PRDM16: variants seen among roughly 807,000 people sequenced by gnomAD.
PRDM16 encodes PR/SET domain 16.
Under a neutral mutation model 110.6 loss-of-function variants are expected in PRDM16, and 23 were observed. The ratio of observed to expected loss-of-function variants is 0.21; its 90% CI spans 0.15 to 0.29. PRDM16 has a LOEUF of 0.29. PRDM16 is among the 10% of genes least tolerant of loss of function. The pLI is 1.00. For synonymous variants in PRDM16, 799 were observed against 781.8 expected (o/e 1.02, Z -0.37); for missense variants, 1,615 against 1,794.3 (o/e 0.90, Z 1.81).
At chr1:3,142,137 C>G (rs554523741) in intron 1 of PRDM16, among the ~76,000 whole-genome samples, 1 of 152,266 alleles carries the variant, frequency 6.6e-6, no homozygotes, top group Non-Finnish European at 1.5e-5. Context: ...CGGCTCCCCC[C>G]GTCCAGGGCC....
intron 3 of PRDM16, among the ~76,000 whole-genome samples, chr1:3,303,859 G>A (rs1376706459): frequency 2.4e-5 from 3 of 123,780 alleles, no homozygotes; most frequent in African/African-American, 1.1e-4. Flanking sequence ...TGAGACCCCA[G>A]CCAAGCCCTG....
chr1:3,119,648 C>T (rs371190963), intron 1 of PRDM16, among the ~76,000 whole-genome samples: 7 of 152,180 alleles, frequency 4.6e-5, no homozygotes, highest in African/African-American at 1.7e-4. Context: ...GGCCATGGCC[C>T]GATGAGGCAG....
At chr1:3,116,985 GAAGT>G (rs1381351440) in intron 1 of PRDM16, among the ~76,000 whole-genome samples, 1 of 152,160 alleles carries the variant, frequency 6.6e-6, no homozygotes, top group African/African-American at 2.4e-5. Context: ...ATCCCTCCTG[GAAGT>G]ATAGAAAGTG....
intron 3 of PRDM16, among the ~76,000 whole-genome samples, chr1:3,263,457 T>G (rs1182808930): frequency 6.6e-6 from 1 of 152,344 alleles, no homozygotes; most frequent in East Asian, 1.9e-4. Flanking sequence ...CCCTGTCTAG[T>G]GGTCCCTGGG....
chr1:3,181,076 T>C lies in PRDM16; in HGVS notation c.38-5049T>C, dbSNP rs529226750. On this transcript the variant is annotated intron_variant, in intron 1 of 16. Coordinates refer to ENST00000270722, the MANE Select transcript of PRDM16 (RefSeq NM_022114.4). Reference sequence around the variant, plus strand: ...CTTACACGCGGTCTTACACACCCGGTCTTACACACGGCCTTACACACGCAG... The same window carrying C: ...CTTACACGCGGTCTTACACACCCGGCCTTACACACGGCCTTACACACGCAG... Among the ~76,000 whole-genome samples the C allele has an allele frequency of 2.5e-4, 35 of 142,472 alleles. No individual in the cohort carries two copies. In the East Asian group the frequency reaches 2.6e-3, roughly 11 times the overall value. 93.5% of individuals were successfully genotyped at this position (142,472 alleles called of 152,430 possible). A position where few individuals can be genotyped will look rare whatever the true frequency, so the allele number is the denominator to read the frequency against.
chr1:3,201,062 C>T lies in PRDM16; in HGVS notation c.387+14588C>T, dbSNP rs539043011. 8.5e-5 allele frequency among the ~76,000 whole-genome samples: 13 copies of T among 152,076 alleles called. No homozygotes were observed. Among genetic ancestry groups the T allele is most frequent in the Non-Finnish European group, 1.0e-4 (7 of 67,992 alleles). On this transcript the variant is annotated intron_variant, in intron 2 of 16. Coordinates refer to ENST00000270722, the MANE Select transcript of PRDM16 (RefSeq NM_022114.4). The surrounding 1 kb of genome is among the most constrained non-coding windows in gnomAD (Gnocchi z 4.1). ...CAACCCTTAGCCGGAGTGGGGACTC[C>T]GGGGAAGGCCAGCTGCCCAAATGAC...
At chr1:3,366,016 A>G (rs1412949372) in intron 3 of PRDM16, among the ~76,000 whole-genome samples, 6 of 152,180 alleles carry the variant, frequency 3.9e-5, no homozygotes, top group Admixed American at 3.3e-4. Context: ...ACGCACACAC[A>G]CATACACATA....
intron 1 of PRDM16, among the ~76,000 whole-genome samples, chr1:3,139,609 A>G (rs1351885746): frequency 1.3e-5 from 2 of 152,248 alleles, no homozygotes; most frequent in African/African-American, 4.8e-5. Context: ...AAGCATTGTT[A>G]CAATATCTGT....
intron 2 of PRDM16, chr1:3,238,115 C>G (rs894161716): frequency 6.6e-6 from 1 of 152,270 alleles, no homozygotes; most frequent in Non-Finnish European, 1.5e-5. Context: ...AGGGGCCATT[C>G]CCTCCTGTCG....
At chr1:3,140,731 G>A (rs1200672750) in intron 1 of PRDM16, among the ~76,000 whole-genome samples, 2 of 152,212 alleles carry the variant, frequency 1.3e-5, no homozygotes. Context: ...GTGTGAGGGT[G>A]GGGCCACAGT....
chr1:3,435,713 GT>G lies in PRDM16; in HGVS notation c.*1903del, dbSNP rs1416562877. 1.0e-4 allele frequency: 24 copies of G among 232,582 alleles called. No individual in the cohort carries two copies. Among genetic ancestry groups the G allele is most frequent in the African/African-American group, 5.3e-4 (24 of 45,274 alleles). 14.4% of individuals were successfully genotyped at this position (232,582 alleles called of 1,614,324 possible). ...TCACGCGTGGACATCTCCTCAGGCT[GT>G]CCCCAGCGGTGACGGGAGGTGTCCT... On this transcript the variant is annotated 3_prime_UTR_variant, in exon 17 of 17. Coordinates refer to ENST00000270722, the MANE Select transcript of PRDM16 (RefSeq NM_022114.4).
chr1:3,328,463 C>T (rs886649235), intron 3 of PRDM16, among the ~76,000 whole-genome samples: 6 of 152,096 alleles, frequency 3.9e-5, no homozygotes, highest in Admixed American at 6.5e-5. Context: ...GCGGAGCTTT[C>T]GTCACTCGCC....
In PRDM16 at chr1:3,382,485, A is replaced by C. The variant is rs1284385448; in HGVS notation, c.439-2667A>C. On this transcript the variant is annotated intron_variant, in intron 3 of 16. Transcript: ENST00000270722. This position sits in a 1 kb window ranked among gnomAD's most constrained non-coding sequence, Gnocchi z 6.6. ...CTGTGTCTGCAGAAGCTGGTAACACAGAGGCTGTCTCCCTGGGAACCTGCC... is the reference window on the plus strand; with the variant it reads ...CTGTGTCTGCAGAAGCTGGTAACACCGAGGCTGTCTCCCTGGGAACCTGCC... 6.6e-6 allele frequency among the ~76,000 whole-genome samples: 1 copy of C among 152,218 alleles called. No individual in the cohort carries two copies. The highest frequency in any genetic ancestry group is 1.5e-5 in the Non-Finnish European group (1 of 68,036).
chr1:3,351,523 C>T (rs1180346007), intron 3 of PRDM16, among the ~76,000 whole-genome samples: 2 of 17,534 alleles, frequency 1.1e-4, no homozygotes, highest in African/African-American at 4.4e-4. Context: ...CATTGGAACC[C>T]GTCTCTGTCC....
Position 3,213,554 on chromosome 1 carries a change from G to C in PRDM16, c.387+27080G>C, listed in dbSNP as rs1444437433. Among the ~76,000 whole-genome samples, 1 of 152,140 alleles carries C rather than the reference G, an allele frequency of 6.6e-6. No individual in the cohort carries two copies. Among genetic ancestry groups the C allele is most frequent in the Non-Finnish European group, 1.5e-5 (1 of 68,018 alleles). On this transcript the variant is annotated intron_variant, in intron 2 of 16. Coordinates refer to ENST00000270722, the MANE Select transcript of PRDM16 (RefSeq NM_022114.4). The surrounding 1 kb of genome is among the most constrained non-coding windows in gnomAD (Gnocchi z 5.3). ...CTAGAGAGTCCTTTGTCGCCTCCCTGGGGGCACAGACACCTGGAACTCACT... is the reference window on the plus strand; with the variant it reads ...CTAGAGAGTCCTTTGTCGCCTCCCTCGGGGCACAGACACCTGGAACTCACT...
At chr1:3,202,898 T>C (rs1484219466) in intron 2 of PRDM16, among the ~76,000 whole-genome samples, 1 of 152,146 alleles carries the variant, frequency 6.6e-6, no homozygotes, top group Non-Finnish European at 1.5e-5. Context: ...GTGGTCTGAG[T>C]ACTCTGATAG....
At chr1:3,227,523 G>C (rs1639315250) in intron 2 of PRDM16, among the ~76,000 whole-genome samples, 1 of 152,258 alleles carries the variant, frequency 6.6e-6, no homozygotes, top group Non-Finnish European at 1.5e-5. Context: ...GCGGGACCGT[G>C]ACAGTCCAGC....
intron 12 of PRDM16, among the ~76,000 whole-genome samples, chr1:3,421,363 G>T (rs1190870841): frequency 1.3e-5 from 2 of 152,148 alleles, no homozygotes; most frequent in African/African-American, 4.8e-5. Flanking sequence ...TCCTCTCAAG[G>T]CCCTCCGCAT....
At chr1:3,083,582 C>T (rs115632128) in intron 1 of PRDM16, among the ~76,000 whole-genome samples, 1,056 of 101,932 alleles carry the variant, frequency 0.01, 10 homozygotes, top group African/African-American at 0.029. Context: ...TCAGGACACA[C>T]AGCGCCTGCT....
Sources: gnomAD v4.1 joint callset for allele counts (sites outside exome capture counted in the v4.1 genomes callset) on GRCh38, gnomAD v4.1.1 for gene constraint, Gnocchi (gnomAD v3.1) non-coding constraint, MANE v1.5 for transcripts, NCBI Gene and HGNC (gene_info 2026-07-23, HGNC 2026-07-21) for gene names.